Variants in PIK3C3 observed in about 807,000 individuals in gnomAD.
PIK3C3 encodes PI3-kinase type 3.
Under a neutral mutation model 126.1 loss-of-function variants are expected in PIK3C3, and 95 were observed. The observed-to-expected ratio is 0.75, with a 90% CI of 0.64 to 0.89. The LOEUF (loss-of-function observed/expected upper bound fraction) is 0.89. PIK3C3 is among the 40% of genes least tolerant of loss of function. The pLI is 0.00. For synonymous variants in PIK3C3, 374 were observed against 360.0 expected, an observed-to-expected ratio of 1.04 and a Z score of -0.44; for missense variants, 829 against 1,063.2, an observed-to-expected ratio of 0.78 and a Z score of 3.06.
chr18:42,041,218 A>G (rs1984303027), intron 19 of PIK3C3, among the ~76,000 whole-genome samples: 1 of 152,104 alleles, frequency 6.6e-6, no homozygotes, highest in Admixed American at 6.5e-5. Context: ...AAACAGAGTT[A>G]ATTGGTGAAC....
At chr18:41,964,120 A>G (rs1980236597) in intron 3 of PIK3C3, among the ~76,000 whole-genome samples, 1 of 152,130 alleles carries the variant, frequency 6.6e-6, no homozygotes, top group Non-Finnish European at 1.5e-5. Flanking sequence ...TCTTTGATTT[A>G]TCTAAAATTA....
At chr18:41,970,506 G>T in intron 4 of PIK3C3, 50 bp downstream of exon 4, 2 of 1,529,920 alleles carry the variant, frequency 1.3e-6, no homozygotes, top group Non-Finnish European at 1.8e-6. Context: ...GATGTCTATT[G>T]TAGTATATAT....
intron 23 of PIK3C3, among the ~76,000 whole-genome samples, chr18:42,066,681 A>G (rs1985553707): frequency 6.6e-6 from 1 of 152,228 alleles, no homozygotes; most frequent in South Asian, 2.1e-4. Context: ...GTAGTTCTTC[A>G]GTAACATTGA....
intron 4 of PIK3C3, among the ~76,000 whole-genome samples, chr18:41,982,135 G>A (rs1270220843): frequency 6.6e-6 from 1 of 152,068 alleles, no homozygotes; most frequent in Non-Finnish European, 1.5e-5. Context: ...TATTAATTTA[G>A]CTCAGTTCTA....
intron 4 of PIK3C3, among the ~76,000 whole-genome samples, chr18:41,987,610 C>CT (rs1248678593): frequency 1.3e-5 from 2 of 151,864 alleles, no homozygotes; most frequent in African/African-American, 4.8e-5. Context: ...AATTATGGAC[C>CT]TTTTTAAAAA....
intron 23 of PIK3C3, among the ~76,000 whole-genome samples, chr18:42,066,708 A>T (rs1236383455): frequency 2.0e-5 from 3 of 152,184 alleles, no homozygotes; most frequent in Non-Finnish European, 2.9e-5. Flanking sequence ...TATATATATA[A>T]AATATACGCA....
intron 7 of PIK3C3, among the ~76,000 whole-genome samples, chr18:41,994,617 G>T (rs1027284062): frequency 1.3e-5 from 2 of 151,932 alleles, no homozygotes; most frequent in Non-Finnish European, 2.9e-5. Context: ...GATATAGGTG[G>T]CATTTCTTCA....
At chr18:42,054,174 A>G (rs1378363200) in intron 21 of PIK3C3, among the ~76,000 whole-genome samples, 6 of 63,116 alleles carry the variant, frequency 9.5e-5, no homozygotes, top group East Asian at 9.4e-4. Context: ...ATATATATAT[A>G]TATATATATA....
chr18:41,957,429 C>T, intron 1 of PIK3C3, 141 bp from the exon 2 acceptor site: 1 of 690,048 alleles, frequency 1.4e-6, no homozygotes. Context: ...AGGTAGCATA[C>T]CTTAACACAA....
rs6146278 is a variant in PIK3C3 at position 42,079,946 on chromosome 18, AGTGTGTGTGTGT to A, written c.2650-1150_2650-1139del. On this transcript the variant is annotated intron_variant, in intron 24 of 24. Transcript: ENST00000262039. Reference sequence around the variant, plus strand: ...TTCCCTCTTATTTCCCCAACTTTTGAGTGTGTGTGTGTGTGTGTGTGTGTGTGTGTGTGTGTG... The same window carrying A: ...TTCCCTCTTATTTCCCCAACTTTTGAGTGTGTGTGTGTGTGTGTGTGTGTG... Among the ~76,000 whole-genome samples the A allele has an allele frequency of 6.4e-4, 88 of 137,238 alleles. 1 individual carries two copies. Among genetic ancestry groups the A allele is most frequent in the Admixed American group, 4.2e-3 (58 of 13,850 alleles). 90.0% of individuals were successfully genotyped at this position (137,238 alleles called of 152,430 possible). A position where few individuals can be genotyped will look rare whatever the true frequency, so the allele number is the denominator to read the frequency against.
At chr18:41,973,203 T>C (rs1027006367) in intron 4 of PIK3C3, among the ~76,000 whole-genome samples, 1 of 152,072 alleles carries the variant, frequency 6.6e-6, no homozygotes, top group African/African-American at 2.4e-5. Flanking sequence ...TGTTTGCAGG[T>C]CATTCCTTTT....
Position 42,013,610 on chromosome 18 carries a change from G to A in PIK3C3, c.1325+14G>A. On this transcript the variant is annotated intron_variant, in intron 11 of 24. Transcript: ENST00000262039. The stretch of plus-strand genomic sequence containing the variant: ...AGAAATAGATAGGTATGGATATCCA[G>A]GGAGGACATATTTTCTAGTTTGTTA... 6 of 1,548,866 alleles carry A rather than the reference G, an allele frequency of 3.9e-6. No homozygotes were observed. Among genetic ancestry groups the A allele is most frequent in the Non-Finnish European group, 5.3e-6 (6 of 1,142,524 alleles).
intron 19 of PIK3C3, among the ~76,000 whole-genome samples, chr18:42,043,138 C>T (rs1473829024): frequency 4.0e-5 from 6 of 149,414 alleles, no homozygotes; most frequent in South Asian, 2.1e-4. Context: ...CTTGCTCTGT[C>T]GCCAGGCTGG....
chr18:41,962,654 T>C (rs755730134), intron 3 of PIK3C3, 22 bp downstream of exon 3: 15 of 1,602,136 alleles, frequency 9.4e-6, no homozygotes, highest in Non-Finnish European at 1.2e-5. Flanking sequence ...GTTGGTCTCA[T>C]CTGTAGGAGT....
intron 24 of PIK3C3, among the ~76,000 whole-genome samples, chr18:42,079,996 A>T (rs1248588454): frequency 7.4e-6 from 1 of 135,618 alleles, no homozygotes; most frequent in Non-Finnish European, 1.5e-5. Flanking sequence ...TGTAAGAGAG[A>T]GAGTGTGTGT....
At chr18:42,000,095 C>T (rs1249685945) in intron 9 of PIK3C3, among the ~76,000 whole-genome samples, 1 of 152,100 alleles carries the variant, frequency 6.6e-6, no homozygotes, top group Non-Finnish European at 1.5e-5. Flanking sequence ...CTCTTGTTGC[C>T]CAGGCTGGAC....
chr18:42,058,042 A>G lies in PIK3C3; in HGVS notation c.2423A>G (p.His808Arg). 1.3e-6 allele frequency: 2 copies of G among 1,580,482 alleles called. No individual in the cohort carries two copies. The highest frequency in any genetic ancestry group is 2.3e-5 in the East Asian group (1 of 43,666). ...FRKQCYTAFL[H>R]LRRYSNLILN... ...AAACAGTGTTACACGGCTTTCCTCC[A>G]CCTGCGAAGGTAAGTTGATTTGCTT... The change falls in exon 22 of 25, where the codon CAC (histidine) becomes CGC (arginine). Residue 808 changes from histidine to arginine, a missense_variant. Coordinates refer to ENST00000262039, the MANE Select transcript of PIK3C3 (RefSeq NM_002647.4).
chr18:42,019,414 G>A (rs1983221562), intron 12 of PIK3C3, among the ~76,000 whole-genome samples: 1 of 152,050 alleles, frequency 6.6e-6, no homozygotes. Flanking sequence ...AACCCAATTT[G>A]CTAAGTTACA....
intron 16 of PIK3C3, among the ~76,000 whole-genome samples, chr18:42,036,037 C>A (rs573955858): frequency 2.0e-5 from 3 of 152,280 alleles, no homozygotes; most frequent in East Asian, 3.9e-4. Flanking sequence ...AACAAAGATT[C>A]TCCTGCCTGT....
Sources: gnomAD v4.1 joint callset for allele counts (sites outside exome capture counted in the v4.1 genomes callset) on GRCh38, gnomAD v4.1.1 for gene constraint, MANE v1.5 for transcripts, NCBI Gene and HGNC (gene_info 2026-07-23, HGNC 2026-07-21) for gene names.